Variants in PABIR2 observed in about 807,000 individuals in gnomAD.
PABIR2 encodes PABIR family member 2.
Under a neutral mutation model 22.8 loss-of-function variants are expected in PABIR2, and 7 were observed. The observed-to-expected ratio is 0.31, with a 90% CI of 0.17 to 0.58. PABIR2 has a LOEUF of 0.58. Among genes scored for constraint, PABIR2 ranks in the 20% least tolerant of loss-of-function variants. PABIR2 has a pLI of 0.89. For synonymous variants in PABIR2, 67 were observed against 73.8 expected (o/e 0.91, Z 0.47); for missense variants, 155 against 205.1 (o/e 0.76, Z 1.49).
chrX:134,778,535 A>C (rs1296927307), intron 9 of PABIR2, among the ~76,000 whole-genome samples: 1 of 109,367 alleles, frequency 9.1e-6, no homozygotes, highest in Non-Finnish European at 1.9e-5. Context: ...TCATATTTAA[A>C]AATCTCTTAA....
Position 134,788,436 on chromosome X carries a change from CGTTATATATGTGTTATATAT to C in PABIR2, c.435+274_435+293del, listed in dbSNP as rs1569430595. ...ACGTTATATATGTGTAATATATACA[CGTTATATATGTGTTATATAT>C]GTTATATATGTGTTATATATACGTT... On this transcript the variant is annotated intron_variant, in intron 6 of 9. Coordinates refer to ENST00000343004, the MANE Select transcript of PABIR2 (RefSeq NM_001387468.1). Among the ~76,000 whole-genome samples the C allele has an allele frequency of 2.9e-4, 25 of 86,715 alleles. No homozygotes were observed. The South Asian group carries it at 3.2e-3, about 11-fold the overall frequency. 75.3% of individuals were successfully genotyped at this position (86,715 alleles called of 115,157 possible).
chrX:134,789,687 T>A, intron 2 of PABIR2, 51 bp from the exon 3 acceptor site: 1 of 1,058,063 alleles, frequency 9.5e-7, no homozygotes, highest in Non-Finnish European at 1.3e-6. Flanking sequence ...AAAGCAGCAG[T>A]CTGCTGTCAG....
At chrX:134,780,474 G>A (rs756021315) in intron 9 of PABIR2, among the ~76,000 whole-genome samples, 2 of 111,742 alleles carry the variant, frequency 1.8e-5, no homozygotes, top group African/African-American at 6.5e-5. Flanking sequence ...AGCTACTCGG[G>A]AGGCTGAGGC....
At chrX:134,774,556 C>T (rs1364871391) in intron 9 of PABIR2, among the ~76,000 whole-genome samples, 1 of 110,523 alleles carries the variant, frequency 9.0e-6, no homozygotes, top group African/African-American at 3.3e-5. Context: ...TGTATTCATT[C>T]AAAAACACAA....
At chrX:134,793,354 A>G (rs1368220039) in intron 2 of PABIR2, among the ~76,000 whole-genome samples, 1 of 112,659 alleles carries the variant, frequency 8.9e-6, no homozygotes, top group African/African-American at 3.2e-5. Context: ...CTCTGGCTAT[A>G]GAGATCAGTC....
rs181615014 is a variant in PABIR2, at chrX:134,785,342, C to T, written c.562+544G>A. ...GATGCTTATCTTTTTCTTTTTCCCC[C>T]CAGCTTTACTGAAGTATAAATGACA... On this transcript the variant is annotated intron_variant, in intron 8 of 9. Transcript: ENST00000343004. Among the ~76,000 whole-genome samples, 348 of 111,368 alleles carry T rather than the reference C, an allele frequency of 3.1e-3. 1 individual carries two copies. The highest frequency in any genetic ancestry group is 0.014 in the Middle Eastern group (3 of 216).
At chrX:134,787,927 AC>A (rs1235326362) in intron 6 of PABIR2, among the ~76,000 whole-genome samples, 1 of 107,818 alleles carries the variant, frequency 9.3e-6, no homozygotes, top group African/African-American at 3.4e-5. Flanking sequence ...AAGCCACCAT[AC>A]CAGGCCCACA....
chrX:134,775,977 GTT>G (rs1341979903), intron 9 of PABIR2, among the ~76,000 whole-genome samples: 2 of 111,868 alleles, frequency 1.8e-5, no homozygotes, highest in Non-Finnish European at 3.8e-5. Context: ...GGACAGGAGT[GTT>G]TTTGTTGTTT....
chrX:134,787,855 C>T (rs183621688), intron 6 of PABIR2, among the ~76,000 whole-genome samples: 259 of 105,211 alleles, frequency 2.5e-3, no homozygotes, highest in African/African-American at 8.4e-3. Flanking sequence ...TGCTCTCGAC[C>T]TCCTGAGCTC....
At chrX:134,794,058 A>C in intron 1 of PABIR2, 165 bp from the exon 2 acceptor site, 2 of 749,080 alleles carry the variant, frequency 2.7e-6, no homozygotes, top group Non-Finnish European at 3.2e-6. Context: ...CTCTCTGCAG[A>C]GCTTCCCAAG....
rs2078817993 is a variant in PABIR2, at chrX:134,770,243, GAATA to G, written c.*1892_*1895del. 8.9e-6 allele frequency: 1 copy of G among 112,008 alleles called. No individual in the cohort carries two copies. The highest frequency in any genetic ancestry group is 3.7e-4 in the South Asian group (1 of 2,669). The allele number at this position is 112,008 out of a possible 1,213,427, so 9.2% of individuals were successfully genotyped here. ...ATTTTGACATGATCTTTTACAAACA[GAATA>G]GATACACTGCATACCATCGAAGAAT... On this transcript the variant is annotated 3_prime_UTR_variant, in exon 10 of 10. Transcript: ENST00000343004.
intron 9 of PABIR2, among the ~76,000 whole-genome samples, chrX:134,773,138 A>T (rs1448608359): frequency 1.8e-5 from 2 of 110,849 alleles, no homozygotes; most frequent in Non-Finnish European, 3.8e-5. Flanking sequence ...TGACTCATGA[A>T]TCTGGCTCCA....
chrX:134,772,587 A>C (rs762931647), intron 9 of PABIR2, among the ~76,000 whole-genome samples: 1 of 110,798 alleles, frequency 9.0e-6, no homozygotes, highest in African/African-American at 3.3e-5. Context: ...ACTTCACTTC[A>C]GCTCAAGAAA....
chrX:134,782,051 T>C, intron 8 of PABIR2, 134 bp from the exon 9 acceptor site: 1 of 374,624 alleles, frequency 2.7e-6, no homozygotes, highest in African/African-American at 2.5e-5. Context: ...TTTTCCCATG[T>C]GCTTTAACAT....
intron 9 of PABIR2, 92 bp downstream of exon 9, chrX:134,781,729 A>T (rs1603018347): frequency 2.1e-5 from 12 of 573,044 alleles, no homozygotes; most frequent in Non-Finnish European, 2.7e-5. Context: ...TTCAAAAAAA[A>T]ATATTTTAAA....
intron 9 of PABIR2, among the ~76,000 whole-genome samples, chrX:134,777,524 CAAAAAAA>C (rs1177263144): frequency 1.0e-4 from 3 of 29,560 alleles, no homozygotes; most frequent in Non-Finnish European, 2.1e-4. Flanking sequence ...GATCTTGTAT[CAAAAAAA>C]AAAAAAAAAA....
intron 9 of PABIR2, among the ~76,000 whole-genome samples, chrX:134,776,551 C>T (rs1268457776): frequency 1.8e-5 from 2 of 110,630 alleles, no homozygotes; most frequent in South Asian, 3.8e-4. Flanking sequence ...TGACATAATT[C>T]CTGCCTTGTG....
intron 8 of PABIR2, among the ~76,000 whole-genome samples, chrX:134,782,602 G>C (rs1173500210): frequency 9.0e-6 from 1 of 111,558 alleles, no homozygotes; most frequent in African/African-American, 3.3e-5. Context: ...CCCTAAGTTA[G>C]AATAATCTCC....
At chrX:134,778,173 C>T (rs906288144) in intron 9 of PABIR2, among the ~76,000 whole-genome samples, 7 of 99,302 alleles carry the variant, frequency 7.0e-5, no homozygotes, top group Admixed American at 3.2e-4. Flanking sequence ...GGATTACAGG[C>T]GTGAGCCACC....
Sources: gnomAD v4.1 joint callset for allele counts (sites outside exome capture counted in the v4.1 genomes callset) on GRCh38, gnomAD v4.1.1 for gene constraint, MANE v1.5 for transcripts, NCBI Gene and HGNC (gene_info 2026-07-23, HGNC 2026-07-21) for gene names.